DMD: variants seen among roughly 807,000 people sequenced by gnomAD.
The protein encoded by DMD is dystrophin.
Under a neutral mutation model 330.1 loss-of-function variants are expected in DMD, and 63 were observed. The observed-to-expected ratio is 0.19, with a 90% CI of 0.16 to 0.24. The LOEUF is 0.24. DMD is among the 10% of genes least tolerant of loss of function. The pLI is 1.00. For missense variants in DMD, 3,344 were observed against 2,684.1 expected (o/e 1.25, Z -5.43); for synonymous variants, 1,223 against 959.8 (o/e 1.27, Z -5.07).
chrX:33,179,656 T>G (rs1167670602), intron 1 of DMD, among the ~76,000 whole-genome samples: 9 of 104,455 alleles, frequency 8.6e-5, no homozygotes, highest in Non-Finnish European at 1.6e-4. Context: ...ATCGCGCCAC[T>G]GCACTCTAGC....
chrX:32,484,168 T>A (rs2042196831), intron 21 of DMD, among the ~76,000 whole-genome samples: 1 of 111,557 alleles, frequency 9.0e-6, no homozygotes. Context: ...TATATGCATG[T>A]ATATAGTGAA....
chrX:33,053,471 C>T (rs1211170709), intron 1 of DMD, among the ~76,000 whole-genome samples: 2 of 110,170 alleles, frequency 1.8e-5, no homozygotes, highest in African/African-American at 6.6e-5. Context: ...TGGCACGCAC[C>T]TGTAGTCCCA....
chrX:31,232,573 A>G (rs1455135729), intron 63 of DMD, among the ~76,000 whole-genome samples: 1 of 111,472 alleles, frequency 9.0e-6, no homozygotes. Context: ...CAGTTTATGT[A>G]GCCAAGAAGT....
intron 16 of DMD, among the ~76,000 whole-genome samples, chrX:32,560,566 G>A (rs1313895895): frequency 3.6e-5 from 4 of 110,724 alleles, no homozygotes; most frequent in South Asian, 3.9e-4. Context: ...CCCAGCATCC[G>A]TTAGCTATTT....
chrX:32,845,970 T>C (rs780786485), intron 3 of DMD, among the ~76,000 whole-genome samples: 21 of 111,394 alleles, frequency 1.9e-4, no homozygotes, highest in African/African-American at 5.3e-4. Context: ...ACATGAAGCA[T>C]GCTGTCTCAC....
At chrX:31,458,183 T>C (rs1270340815) in intron 59 of DMD, among the ~76,000 whole-genome samples, 1 of 111,435 alleles carries the variant, frequency 9.0e-6, no homozygotes, top group Non-Finnish European at 1.9e-5. Context: ...TGTATTCATT[T>C]CTGAGCAATG....
chrX:33,150,490 C>G (rs929012599), intron 1 of DMD, among the ~76,000 whole-genome samples: 1 of 109,247 alleles, frequency 9.2e-6, no homozygotes, highest in East Asian at 2.9e-4. Context: ...GTTGGGGTTT[C>G]GCCATACTGG....
chrX:31,369,006 T>C (rs1835619888), intron 60 of DMD, among the ~76,000 whole-genome samples: 1 of 111,642 alleles, frequency 9.0e-6, no homozygotes, highest in Non-Finnish European at 1.9e-5. Context: ...GGTCTTAGGA[T>C]AGGTCTCACC....
intron 11 of DMD, among the ~76,000 whole-genome samples, chrX:32,621,939 C>T (rs1357934620): frequency 1.8e-5 from 2 of 111,239 alleles, no homozygotes; most frequent in Non-Finnish European, 3.8e-5. Context: ...GGGATGAGGT[C>T]TAGAAATGTG....
chrX:31,421,638 G>A (rs1163698964), intron 60 of DMD, among the ~76,000 whole-genome samples: 2 of 110,508 alleles, frequency 1.8e-5, no homozygotes, highest in Non-Finnish European at 3.8e-5. Context: ...TGGGCTTTCA[G>A]ATAAACAGCA....
chrX:31,403,066 A>G (rs972432271), intron 60 of DMD, among the ~76,000 whole-genome samples: 1 of 112,284 alleles, frequency 8.9e-6, no homozygotes, highest in Non-Finnish European at 1.9e-5. Context: ...CTAGGAAAAG[A>G]CATAGAAGAA....
intron 1 of DMD, among the ~76,000 whole-genome samples, chrX:33,207,291 G>C (rs2051632785): frequency 9.0e-6 from 1 of 111,219 alleles, no homozygotes; most frequent in African/African-American, 3.3e-5. Flanking sequence ...ATAATCTCTA[G>C]AGGAGCCATC....
chrX:31,543,436 G>A (rs999326815), intron 55 of DMD, among the ~76,000 whole-genome samples: 5 of 111,707 alleles, frequency 4.5e-5, no homozygotes, highest in African/African-American at 1.6e-4. Flanking sequence ...CTCCCAAAGT[G>A]CTGGGATTAC....
chrX:33,207,682 C>G (rs1346052761), intron 1 of DMD, among the ~76,000 whole-genome samples: 1 of 111,307 alleles, frequency 9.0e-6, no homozygotes, highest in African/African-American at 3.3e-5. Flanking sequence ...AATGAAACTT[C>G]AGAACTCCAA....
intron 55 of DMD, among the ~76,000 whole-genome samples, chrX:31,613,920 A>T (rs1357403111): frequency 8.9e-6 from 1 of 112,088 alleles, no homozygotes; most frequent in Non-Finnish European, 1.9e-5. Context: ...TATATATTGC[A>T]TGAATTTCAA....
At chrX:31,833,279 A>G (rs1603483715) in intron 49 of DMD, among the ~76,000 whole-genome samples, 1 of 39,665 alleles carries the variant, frequency 2.5e-5, no homozygotes, top group Non-Finnish European at 3.7e-5. Context: ...AGGGGGAGAG[A>G]GAGAGAGAGA....
intron 1 of DMD, among the ~76,000 whole-genome samples, chrX:33,031,914 C>T (rs757180571): frequency 4.5e-5 from 5 of 112,338 alleles, no homozygotes; most frequent in East Asian, 5.6e-4. Flanking sequence ...TGTAAAGCAT[C>T]GAAAGTAGTC....
At chrX:31,645,921 C>T (rs1322158218) in intron 54 of DMD, among the ~76,000 whole-genome samples, 1 of 111,383 alleles carries the variant, frequency 9.0e-6, no homozygotes, top group Non-Finnish European at 1.9e-5. Flanking sequence ...TCCATAGAAC[C>T]CTTTCTTGAG....
intron 11 of DMD, among the ~76,000 whole-genome samples, chrX:32,618,730 G>T (rs1014341600): frequency 4.5e-5 from 5 of 111,153 alleles, no homozygotes; most frequent in African/African-American, 1.6e-4. Flanking sequence ...CCTCACTTTT[G>T]TTAGCATGGC....
Sources: gnomAD v4.1 joint callset for allele counts (sites outside exome capture counted in the v4.1 genomes callset) on GRCh38, gnomAD v4.1.1 for gene constraint, MANE v1.5 for transcripts, NCBI Gene and HGNC (gene_info 2026-07-23, HGNC 2026-07-21) for gene names.